ROR1: variants seen among roughly 807,000 people sequenced by gnomAD.
The protein encoded by ROR1 is inactive tyrosine-protein kinase transmembrane receptor ROR1.
In ROR1, 19 loss-of-function variants were observed where a neutral mutation model predicts 78.8. The observed-to-expected ratio is 0.24, with a 90% CI of 0.17 to 0.35. ROR1 has a LOEUF of 0.35. ROR1 is among the 10% of genes least tolerant of loss of function. The probability of loss-of-function intolerance (pLI) is 1.00; values close to 1 mark genes in which losing one functional copy is unlikely to be tolerated. For synonymous variants in ROR1, 386 were observed against 433.6 expected (o/e 0.89, Z 1.36); for missense variants, 917 against 1,177.8 (o/e 0.78, Z 3.24).
At position 63,774,289 on chromosome 1, in the gene ROR1, TG is replaced by T. The variant is rs1318087944; in HGVS notation, c.-128del. 3 of 462,758 alleles carry T rather than the reference TG, an allele frequency of 6.5e-6. No individual in the cohort carries two copies. The highest frequency in any genetic ancestry group is 2.2e-5 in the African/African-American group (1 of 46,264). 28.7% of individuals were successfully genotyped at this position (462,758 alleles called of 1,614,324 possible). On this transcript the variant is annotated 5_prime_UTR_variant, in exon 1 of 9. Transcript: ENST00000371079. This position sits in a 1 kb window ranked among gnomAD's most constrained non-coding sequence, Gnocchi z 5.7. ...AGCAGGTTAGAGGGACAAAGAGCTT[TG>T]CAGACGTCCCCGGCGTCCTGCGAGC... is the stretch of plus-strand genomic sequence containing the variant.
chr1:64,166,813 G>A (rs142693618), intron 8 of ROR1, among the ~76,000 whole-genome samples: 1 of 152,074 alleles, frequency 6.6e-6, no homozygotes, highest in Admixed American at 6.6e-5. Context: ...AATCCATCAG[G>A]GTGGAGAAGG....
At chr1:64,002,287 C>A (rs969490644) in intron 1 of ROR1, among the ~76,000 whole-genome samples, 1 of 152,090 alleles carries the variant, frequency 6.6e-6, no homozygotes, top group African/African-American at 2.4e-5. Context: ...GCATGCACCA[C>A]CACGCCCAGC....
At chr1:64,172,653 A>C (rs944604531) in intron 8 of ROR1, among the ~76,000 whole-genome samples, 2 of 152,172 alleles carry the variant, frequency 1.3e-5, no homozygotes, top group Non-Finnish European at 2.9e-5. Context: ...TGTGTATTTT[A>C]CACTTCTTTA....
intron 7 of ROR1, among the ~76,000 whole-genome samples, chr1:64,158,549 A>T (rs971992809): frequency 2.0e-5 from 3 of 152,192 alleles, no homozygotes; most frequent in Non-Finnish European, 2.9e-5. Flanking sequence ...CAAGGTCATG[A>T]TTTCTAGAAC....
chr1:63,819,864 A>G (rs1415759898), intron 1 of ROR1, among the ~76,000 whole-genome samples: 2 of 152,186 alleles, frequency 1.3e-5, no homozygotes, highest in Non-Finnish European at 2.9e-5. Flanking sequence ...ACAGTAGTTC[A>G]TAGTACTTGG....
chr1:63,836,356 A>C (rs1283485541), intron 1 of ROR1, among the ~76,000 whole-genome samples: 1 of 152,238 alleles, frequency 6.6e-6, no homozygotes, highest in Non-Finnish European at 1.5e-5. Flanking sequence ...CAGTGGAAAA[A>C]CTAAATTTAC....
At chr1:63,948,997 A>C (rs1425604347) in intron 1 of ROR1, among the ~76,000 whole-genome samples, 1 of 152,172 alleles carries the variant, frequency 6.6e-6, no homozygotes, top group African/African-American at 2.4e-5. Flanking sequence ...TTGCTATGAC[A>C]TTATAACTCA....
At chr1:63,967,940 G>C (rs1240238316) in intron 1 of ROR1, among the ~76,000 whole-genome samples, 2 of 152,160 alleles carry the variant, frequency 1.3e-5, no homozygotes, top group East Asian at 3.9e-4. Flanking sequence ...TTTTATCCTG[G>C]AAAGTGAAAT....
chr1:64,079,838 ATT>A (rs58144685), intron 4 of ROR1, among the ~76,000 whole-genome samples: 16 of 150,224 alleles, frequency 1.1e-4, no homozygotes, highest in African/African-American at 3.4e-4. Flanking sequence ...AACAATCTTG[ATT>A]TTTTTTTTTA....
intron 4 of ROR1, among the ~76,000 whole-genome samples, chr1:64,083,169 A>G (rs1647117959): frequency 2.0e-5 from 3 of 152,178 alleles, no homozygotes; most frequent in South Asian, 4.1e-4. Context: ...AAGAGAATTC[A>G]GGATGGTGGG....
intron 4 of ROR1, among the ~76,000 whole-genome samples, chr1:64,136,120 T>G: frequency 6.6e-6 from 1 of 152,198 alleles, no homozygotes; most frequent in East Asian, 1.9e-4. Flanking sequence ...CCATATATTA[T>G]CTCTACAATT....
intron 1 of ROR1, among the ~76,000 whole-genome samples, chr1:63,971,490 T>G (rs1481714577): frequency 6.6e-6 from 1 of 152,176 alleles, no homozygotes; most frequent in Non-Finnish European, 1.5e-5. Context: ...CCAGGTTAGC[T>G]CAACTACTGA....
At chr1:63,971,889 A>ATAT (rs1646122425) in intron 1 of ROR1, among the ~76,000 whole-genome samples, 1 of 152,154 alleles carries the variant, frequency 6.6e-6, no homozygotes, top group Admixed American at 6.5e-5. Context: ...GGAGAGCAGT[A>ATAT]TATTGTGTGT....
chr1:63,836,326 TA>T (rs1645018532), intron 1 of ROR1, among the ~76,000 whole-genome samples: 1 of 152,372 alleles, frequency 6.6e-6, no homozygotes, highest in East Asian at 1.9e-4. Context: ...AAATCATTTT[TA>T]GGACCTGTTT....
At chr1:63,951,462 G>A (rs1345812469) in intron 1 of ROR1, among the ~76,000 whole-genome samples, 1 of 152,200 alleles carries the variant, frequency 6.6e-6, no homozygotes, top group African/African-American at 2.4e-5. Flanking sequence ...GTAAAAGAGG[G>A]GGGCTGGGGA....
chr1:63,803,640 G>A (rs1569738013), intron 1 of ROR1, among the ~76,000 whole-genome samples: 1 of 152,162 alleles, frequency 6.6e-6, no homozygotes, highest in South Asian at 2.1e-4. Context: ...CACCGCGCCC[G>A]GCCCAAAAAT....
intron 1 of ROR1, among the ~76,000 whole-genome samples, chr1:63,961,213 C>T (rs915601126): frequency 1.5e-4 from 23 of 151,944 alleles, no homozygotes; most frequent in African/African-American, 5.3e-4. Flanking sequence ...ATGTGGAAAA[C>T]GGGGAACCCA....
intron 1 of ROR1, among the ~76,000 whole-genome samples, chr1:63,884,762 G>A (rs901571735): frequency 1.3e-5 from 2 of 152,074 alleles, no homozygotes; most frequent in African/African-American, 4.8e-5. Context: ...GAAAGTGCTG[G>A]TAAATGGAGG....
chr1:63,803,292 A>T (rs1485143533), intron 1 of ROR1, among the ~76,000 whole-genome samples: 2 of 152,192 alleles, frequency 1.3e-5, no homozygotes, highest in African/African-American at 4.8e-5. Flanking sequence ...TCTACATTGT[A>T]TTTAAGAGGG....
Sources: gnomAD v4.1 joint callset for allele counts (sites outside exome capture counted in the v4.1 genomes callset) on GRCh38, gnomAD v4.1.1 for gene constraint, Gnocchi (gnomAD v3.1) non-coding constraint, MANE v1.5 for transcripts, NCBI Gene and HGNC (gene_info 2026-07-23, HGNC 2026-07-21) for gene names.